DLGAP2: variants seen among roughly 807,000 people sequenced by gnomAD.
DLGAP2 encodes the protein disks large-associated protein 2.
In DLGAP2, 26 loss-of-function variants were observed where a neutral mutation model predicts 100.3. That is an observed-to-expected ratio of 0.26 (90% confidence interval 0.19 to 0.36). The LOEUF (loss-of-function observed/expected upper bound fraction) is 0.36, where lower values mean the gene tolerates loss of function less well. Among genes scored for constraint, DLGAP2 ranks in the 10% least tolerant of loss-of-function variants. The probability of loss-of-function intolerance (pLI) is 1.00; values close to 1 mark genes in which losing one functional copy is unlikely to be tolerated. For synonymous variants in DLGAP2, 886 were observed against 630.1 expected, an observed-to-expected ratio of 1.41 and a Z score of -6.08; for missense variants, 1,858 against 1,453.2, an observed-to-expected ratio of 1.28 and a Z score of -4.53.
Position 1,203,831 on chromosome 8 carries a change from G to A in DLGAP2, c.74-55020G>A, listed in dbSNP as rs563592626. Among the ~76,000 whole-genome samples, 194 of 152,300 alleles carry A rather than the reference G, an allele frequency of 1.3e-3. 1 individual carries two copies. Among genetic ancestry groups the A allele is most frequent in the African/African-American group, 3.6e-3 (148 of 41,566 alleles). On this transcript the variant is annotated intron_variant, in intron 2 of 14. Transcript: ENST00000637795. ...TGTGTTCTGGTGAGTGGATGGTGCA[G>A]CAGTCAGGGGGCTGGATGAAGGCAG...
At chr8:1,663,832 G>C (rs561723678) in intron 8 of DLGAP2, among the ~76,000 whole-genome samples, 4 of 152,292 alleles carry the variant, frequency 2.6e-5, no homozygotes, top group African/African-American at 9.6e-5. Flanking sequence ...TAGAGGAAGA[G>C]AGAACGGCAG....
rs532960705 is a variant in DLGAP2, at chr8:762,680, T to C, written c.18+24855T>C. 4.6e-5 allele frequency among the ~76,000 whole-genome samples: 7 copies of C among 152,096 alleles called. No individual in the cohort carries two copies. In the East Asian group the frequency reaches 9.7e-4, roughly 21 times the overall value. On this transcript the variant is annotated intron_variant, in intron 1 of 14. Coordinates refer to ENST00000637795, the MANE Select transcript of DLGAP2 (RefSeq NM_001346810.2). Reference sequence around the variant, plus strand: ...AGGAAGAAGGTGACAGTTTGGTTGATTGATTGAAGGAGACAGGGTCTCACT... The same window carrying C: ...AGGAAGAAGGTGACAGTTTGGTTGACTGATTGAAGGAGACAGGGTCTCACT...
intron 2 of DLGAP2, among the ~76,000 whole-genome samples, chr8:1,199,246 C>T (rs11986808): frequency 2.0e-5 from 3 of 151,916 alleles, no homozygotes; most frequent in Non-Finnish European, 4.4e-5. Context: ...GAAAGCATGG[C>T]TGAATAGATA....
intron 3 of DLGAP2, among the ~76,000 whole-genome samples, chr8:1,353,202 G>C (rs1801775520): frequency 6.6e-6 from 1 of 152,214 alleles, no homozygotes; most frequent in South Asian, 2.1e-4. Context: ...TCCTGCATTA[G>C]CTTCCTTCCA....
intron 2 of DLGAP2, among the ~76,000 whole-genome samples, chr8:1,247,440 G>A (rs1457138574): frequency 9.1e-6 from 1 of 109,954 alleles, no homozygotes. Context: ...GTTGGTGGCC[G>A]GCAAGACCTT....
intron 7 of DLGAP2, among the ~76,000 whole-genome samples, chr8:1,627,773 T>C (rs903752662): frequency 6.6e-6 from 1 of 151,914 alleles, no homozygotes; most frequent in African/African-American, 2.4e-5. Context: ...TGACTTACTG[T>C]GGAGCAGGGA....
chr8:1,220,017 T>G (rs1196114217), intron 2 of DLGAP2, among the ~76,000 whole-genome samples: 5 of 152,096 alleles, frequency 3.3e-5, no homozygotes, highest in Non-Finnish European at 7.4e-5. Flanking sequence ...AAACTTAATC[T>G]AGCTAGTGGT....
chr8:1,348,261 C>T (rs867266310), intron 3 of DLGAP2, among the ~76,000 whole-genome samples: 1 of 149,756 alleles, frequency 6.7e-6, no homozygotes, highest in African/African-American at 2.5e-5. Context: ...CTACATTGCA[C>T]TCATGGTGGC....
chr8:1,575,638 G>T (rs1433701519), intron 6 of DLGAP2, among the ~76,000 whole-genome samples: 4 of 107,462 alleles, frequency 3.7e-5, no homozygotes, highest in African/African-American at 1.1e-4. Flanking sequence ...CCCATAACAG[G>T]CCCTAGTGTG....
intron 4 of DLGAP2, among the ~76,000 whole-genome samples, chr8:1,544,195 G>A (rs922270594): frequency 5.3e-5 from 8 of 152,118 alleles, no homozygotes; most frequent in Non-Finnish European, 7.4e-5. Flanking sequence ...GAGTGACTGC[G>A]TCTGGCCCTC....
At chr8:969,039 C>G (rs1799949732) in intron 2 of DLGAP2, among the ~76,000 whole-genome samples, 2 of 152,154 alleles carry the variant, frequency 1.3e-5, no homozygotes. Flanking sequence ...CCATGGGGTT[C>G]CCAGGCATCA....
intron 3 of DLGAP2, among the ~76,000 whole-genome samples, chr8:1,454,662 G>T (rs1030489994): frequency 1.3e-5 from 2 of 152,180 alleles, no homozygotes; most frequent in African/African-American, 4.8e-5. Flanking sequence ...AAAACTCAAA[G>T]GACATTTTTG....
At chr8:1,633,100 C>G in intron 8 of DLGAP2, 54 bp downstream of exon 8, 1 of 1,580,352 alleles carries the variant, frequency 6.3e-7, no homozygotes, top group South Asian at 1.1e-5. Context: ...GCATACCTGT[C>G]TTCATCCTAG....
chr8:830,313 A>T (rs554674277), intron 1 of DLGAP2, among the ~76,000 whole-genome samples: 10 of 152,188 alleles, frequency 6.6e-5, no homozygotes, highest in African/African-American at 2.4e-4. Flanking sequence ...CAATCCAATT[A>T]TACCCTTTTA....
intron 2 of DLGAP2, among the ~76,000 whole-genome samples, chr8:1,010,587 T>G (rs114192989): frequency 0.014 from 2,106 of 152,296 alleles, 48 homozygotes; most frequent in African/African-American, 0.046. Flanking sequence ...GCAAGTCCAG[T>G]TTCACTTACG....
intron 6 of DLGAP2, among the ~76,000 whole-genome samples, chr8:1,587,029 G>T (rs1796142603): frequency 6.6e-6 from 1 of 152,142 alleles, no homozygotes; most frequent in Admixed American, 6.5e-5. Flanking sequence ...CCTGCCTCTG[G>T]AAAGTCCTAG....
Position 1,122,540 on chromosome 8 carries a change from C to G in DLGAP2, c.74-136311C>G, listed in dbSNP as rs182084067. ...AAAATCCTTTTTCTTTTATCATAAA[C>G]TGTTTTGTCATAGTAAACTTGTTTC... On this transcript the variant is annotated intron_variant, in intron 2 of 14. Transcript: ENST00000637795. Among the ~76,000 whole-genome samples the G allele has an allele frequency of 1.5e-3, 222 of 152,284 alleles. 1 individual carries two copies. Among genetic ancestry groups the G allele is most frequent in the African/African-American group, 5.2e-3 (216 of 41,568 alleles).
At chr8:1,457,667 A>G (rs1378461651) in intron 3 of DLGAP2, among the ~76,000 whole-genome samples, 2 of 152,034 alleles carry the variant, frequency 1.3e-5, no homozygotes, top group Non-Finnish European at 2.9e-5. Flanking sequence ...CACTATGTTA[A>G]TTGCCATATT....
intron 3 of DLGAP2, among the ~76,000 whole-genome samples, chr8:1,263,122 A>T (rs1435798995): frequency 6.6e-6 from 1 of 152,242 alleles, no homozygotes; most frequent in Non-Finnish European, 1.5e-5. Context: ...AGAAAATGCT[A>T]CAAAAATGTT....
Sources: gnomAD v4.1 joint callset for allele counts (sites outside exome capture counted in the v4.1 genomes callset) on GRCh38, gnomAD v4.1.1 for gene constraint, MANE v1.5 for transcripts, NCBI Gene and HGNC (gene_info 2026-07-23, HGNC 2026-07-21) for gene names.